The following TRAPPC3L variants were observed in gnomAD, a reference collection of about 807,000 sequenced individuals.
TRAPPC3L encodes trafficking protein particle complex subunit 3L.
In TRAPPC3L, 23 loss-of-function variants were observed where a neutral mutation model predicts 23.7. That is an observed-to-expected ratio of 0.97 (90% confidence interval 0.70 to 1.37). The LOEUF is 1.37. Among genes scored for constraint, TRAPPC3L ranks in the 40% most tolerant of loss-of-function variants. The pLI is 0.00. For synonymous variants in TRAPPC3L, 81 were observed against 77.9 expected (o/e 1.04, Z -0.21); for missense variants, 212 against 216.8 (o/e 0.98, Z 0.14).
intron 3 of TRAPPC3L, among the ~76,000 whole-genome samples, chr6:116,525,224 T>C (rs1772423640): frequency 6.6e-6 from 1 of 152,184 alleles, no homozygotes; most frequent in East Asian, 1.9e-4. Context: ...CAGCCAGTGG[T>C]GTGTGAATTC....
intron 3 of TRAPPC3L, chr6:116,520,010 A>G (rs895803254): frequency 6.6e-6 from 1 of 152,230 alleles, no homozygotes; most frequent in African/African-American, 2.4e-5. Flanking sequence ...ACATAATTCT[A>G]TGCATTATAC....
At chr6:116,511,835 A>C (rs773633418) in intron 3 of TRAPPC3L, 2 of 1,614,060 alleles carry the variant, frequency 1.2e-6, no homozygotes, top group Non-Finnish European at 8.5e-7. Context: ...CAGCACTGAG[A>C]ATATGACCTA....
intron 1 of TRAPPC3L, 79 bp from the exon 2 acceptor site, chr6:116,543,479 G>T: frequency 8.2e-7 from 1 of 1,219,456 alleles, no homozygotes; most frequent in Non-Finnish European, 1.1e-6. Context: ...TATAAAATCT[G>T]GTTTGAAGTA....
chr6:116,543,738 TA>T, intron 1 of TRAPPC3L: 2 of 1,258,266 alleles, frequency 1.6e-6, no homozygotes, highest in Non-Finnish European at 2.2e-6. Flanking sequence ...TCTGTTTTTC[TA>T]AAATATATGC....
chr6:116,538,213 G>A (rs1039144106), intron 3 of TRAPPC3L, among the ~76,000 whole-genome samples: 4 of 152,114 alleles, frequency 2.6e-5, no homozygotes, highest in African/African-American at 7.2e-5. Flanking sequence ...TGCCCTCAGC[G>A]CTAATAATAG....
chr6:116,497,124 AACT>A (rs1242173365), intron 4 of TRAPPC3L, 51 bp from the exon 5 acceptor site: 48 of 1,496,516 alleles, frequency 3.2e-5, no homozygotes, highest in Non-Finnish European at 4.2e-5. Flanking sequence ...AAAAACAAAA[AACT>A]AAATTTTCTC....
At chr6:116,517,210 A>T (rs545870837) in intron 3 of TRAPPC3L, 108 of 152,252 alleles carry the variant, frequency 7.1e-4, no homozygotes, top group African/African-American at 2.5e-3. Flanking sequence ...AGATTTCAAC[A>T]TATGAAATTG....
At chr6:116,510,590 C>T (rs1223308484) in intron 3 of TRAPPC3L, among the ~76,000 whole-genome samples, 1 of 152,032 alleles carries the variant, frequency 6.6e-6, no homozygotes, top group Non-Finnish European at 1.5e-5. Flanking sequence ...ACCTTTCTTT[C>T]ATTCTTAAAG....
chr6:116,509,023 C>T (rs1772056830), intron 3 of TRAPPC3L, among the ~76,000 whole-genome samples: 1 of 150,110 alleles, frequency 6.7e-6, no homozygotes, highest in African/African-American at 2.5e-5. Flanking sequence ...AATCAGTAGC[C>T]CTGCTATACA....
intron 3 of TRAPPC3L, among the ~76,000 whole-genome samples, chr6:116,528,444 C>G (rs1007651785): frequency 6.6e-6 from 1 of 152,152 alleles, no homozygotes; most frequent in African/African-American, 2.4e-5. Context: ...CTTGCCTATT[C>G]AGTGGGGAGA....
At chr6:116,514,843 A>G (rs1313216986) in intron 3 of TRAPPC3L, among the ~76,000 whole-genome samples, 1 of 152,258 alleles carries the variant, frequency 6.6e-6, no homozygotes, top group Non-Finnish European at 1.5e-5. Context: ...ACTAAATGTC[A>G]AGAGACACTT....
intron 3 of TRAPPC3L, among the ~76,000 whole-genome samples, chr6:116,538,550 A>G (rs1773234327): frequency 6.6e-6 from 1 of 152,192 alleles, no homozygotes; most frequent in South Asian, 2.1e-4. Context: ...TAGTTATGCT[A>G]ACATATCTTT....
chr6:116,510,748 G>C (rs1772099584), intron 3 of TRAPPC3L, among the ~76,000 whole-genome samples: 1 of 151,744 alleles, frequency 6.6e-6, no homozygotes, highest in Non-Finnish European at 1.5e-5. Context: ...CAATTGCAAA[G>C]ATATGAAACC....
intron 3 of TRAPPC3L, among the ~76,000 whole-genome samples, chr6:116,534,428 C>A (rs1360890402): frequency 6.6e-6 from 1 of 151,848 alleles, no homozygotes; most frequent in East Asian, 1.9e-4. Flanking sequence ...TCAGTCATAG[C>A]AGTCTTGTGC....
chr6:116,523,378 G>T (rs1772380266), intron 3 of TRAPPC3L: 1 of 152,086 alleles, frequency 6.6e-6, no homozygotes, highest in African/African-American at 2.4e-5. Context: ...GTTGTAAATG[G>T]TTTCTTTTTT....
intron 3 of TRAPPC3L, among the ~76,000 whole-genome samples, chr6:116,503,961 A>G (rs1228247713): frequency 6.6e-6 from 1 of 152,218 alleles, no homozygotes; most frequent in Non-Finnish European, 1.5e-5. Flanking sequence ...CAATTCAAAG[A>G]ACTAGAGAAG....
At chr6:116,504,027 C>T (rs9400925) in intron 3 of TRAPPC3L, among the ~76,000 whole-genome samples, 25,941 of 151,942 alleles carry the variant, frequency 0.17, 2,310 homozygotes, top group East Asian at 0.33. Context: ...AAGATCAGAG[C>T]GGAACTGAAG....
chr6:116,497,032 T>C lies in TRAPPC3L; in HGVS notation c.468A>G (p.Leu156=), dbSNP rs998448481. ...AADVTFLQDR[L]KGDSVTEIGI... ...CTATTTCTGTCACACTGTCACCTTT[T>C]AGTCTGTCTTGCAAGAATGTAACAT... Residue 156 remains leucine (L), a synonymous_variant, in exon 5 of 5, where the codon CTA becomes CTG. Transcript: ENST00000368602. 1 of 1,548,830 alleles carries C rather than the reference T, an allele frequency of 6.5e-7. No individual in the cohort carries two copies. Among genetic ancestry groups the C allele is most frequent in the Non-Finnish European group, 8.7e-7 (1 of 1,146,226 alleles).
chr6:116,536,718 G>A (rs559741551), intron 3 of TRAPPC3L, among the ~76,000 whole-genome samples: 2 of 152,220 alleles, frequency 1.3e-5, no homozygotes, highest in Non-Finnish European at 2.9e-5. Flanking sequence ...GATGGTGTTC[G>A]GTAGAAGTGT....
Sources: gnomAD v4.1 joint callset for allele counts (sites outside exome capture counted in the v4.1 genomes callset) on GRCh38, gnomAD v4.1.1 for gene constraint, MANE v1.5 for transcripts, NCBI Gene and HGNC (gene_info 2026-07-23, HGNC 2026-07-21) for gene names.